The following FSTL4 variants were observed in gnomAD, a reference collection of about 807,000 sequenced individuals.
FSTL4 encodes follistatin like 4.
In FSTL4, 28 loss-of-function variants were observed where a neutral mutation model predicts 78.2. That is an observed-to-expected ratio of 0.36 (90% CI 0.27 to 0.49). The LOEUF is 0.49. Ranked by LOEUF, FSTL4 falls within the 20% of genes least tolerant of loss-of-function variation. FSTL4 has a pLI of 0.98. For missense variants in FSTL4, 922 were observed against 1,084.9 expected, an observed-to-expected ratio of 0.85 and a Z score of 2.11; for synonymous variants, 422 against 440.5, an observed-to-expected ratio of 0.96 and a Z score of 0.53.
intron 3 of FSTL4, among the ~76,000 whole-genome samples, chr5:133,431,032 T>C (rs1756925713): frequency 6.6e-6 from 1 of 152,154 alleles, no homozygotes; most frequent in Admixed American, 6.5e-5. Context: ...TACATGTTGA[T>C]AGGAAGAAAA....
chr5:133,250,367 A>G (rs1752183567), intron 6 of FSTL4, among the ~76,000 whole-genome samples: 2 of 152,212 alleles, frequency 1.3e-5, no homozygotes, highest in African/African-American at 4.8e-5. Context: ...TTTGGGGGAC[A>G]GTCAGCGGCC....
At chr5:133,432,195 T>C (rs1422966097) in intron 3 of FSTL4, among the ~76,000 whole-genome samples, 1 of 152,096 alleles carries the variant, frequency 6.6e-6, no homozygotes, top group Non-Finnish European at 1.5e-5. Context: ...CTCAGAGAGG[T>C]TGTGATTTGT....
At chr5:133,840,570 C>T in the FSTL4 span, among the ~76,000 whole-genome samples, 2 of 152,250 alleles carry the variant, frequency 1.3e-5, no homozygotes, top group African/African-American at 4.8e-5. Context: ...AGGCTGCCAG[C>T]TCCTGGGCCC....
the FSTL4 span, among the ~76,000 whole-genome samples, chr5:133,661,072 C>G: frequency 6.6e-6 from 1 of 152,170 alleles, no homozygotes; most frequent in African/African-American, 2.4e-5. Context: ...CTCATTGCAA[C>G]CTCTGCCTCC....
intron 4 of FSTL4, among the ~76,000 whole-genome samples, chr5:133,359,068 T>C (rs947974489): frequency 6.6e-6 from 1 of 152,242 alleles, no homozygotes; most frequent in Non-Finnish European, 1.5e-5. Context: ...TTGGCATTTC[T>C]TTTGCCATTG....
At chr5:133,566,852 C>T (rs1328845957) in intron 3 of FSTL4, among the ~76,000 whole-genome samples, 1 of 152,164 alleles carries the variant, frequency 6.6e-6, no homozygotes, top group South Asian at 2.1e-4. Context: ...GTGTTGTTCA[C>T]GTTGCTTTGC....
Position 133,330,030 on chromosome 5 carries a change from T to C in FSTL4, c.410-13378A>G, listed in dbSNP as rs544752294. Among the ~76,000 whole-genome samples the C allele has an allele frequency of 3.9e-5, 6 of 152,318 alleles. No homozygotes were observed. In the East Asian group the frequency reaches 1.2e-3, roughly 29 times the overall value. On this transcript the variant is annotated intron_variant, in intron 4 of 15. Transcript: ENST00000265342. ...TCACCATTTTGGAGAATCCCATCTC[T>C]AAAGCGACAACACTTGAATATTCAA... is the stretch of plus-strand genomic sequence containing the variant.
chr5:133,199,834 A>G lies in FSTL4; in HGVS notation c.1827-37T>C, dbSNP rs1291979017. 3 of 1,116,722 alleles carry G rather than the reference A, an allele frequency of 2.7e-6. No individual in the cohort carries two copies. In the African/African-American group the frequency reaches 4.7e-5, roughly 17 times the overall value. 69.2% of individuals were successfully genotyped at this position (1,116,722 alleles called of 1,614,324 possible). On this transcript the variant is annotated intron_variant, in intron 15 of 15. Coordinates refer to ENST00000265342, the MANE Select transcript of FSTL4 (RefSeq NM_015082.2). The surrounding 1 kb of genome is among the most constrained non-coding windows in gnomAD (Gnocchi z 4.4). ...AGAACTGAGGTCAGAAGTTGCCTCC[A>G]GGGGTGGGGAATCTGTCATTTGTCT...
At chr5:133,276,917 A>G (rs1054134273) in intron 6 of FSTL4, among the ~76,000 whole-genome samples, 1 of 152,192 alleles carries the variant, frequency 6.6e-6, no homozygotes, top group Admixed American at 6.5e-5. Flanking sequence ...AATCTCACAG[A>G]CATAGTTTGA....
At chr5:133,583,166 C>T (rs975092806) in intron 2 of FSTL4, 3 of 436,934 alleles carry the variant, frequency 6.9e-6, no homozygotes, top group African/African-American at 4.0e-5. Flanking sequence ...CAAACACCAG[C>T]ACATTCCCAC....
chr5:133,659,511 T>G, the FSTL4 span, among the ~76,000 whole-genome samples: 2 of 151,956 alleles, frequency 1.3e-5, no homozygotes, highest in Non-Finnish European at 2.9e-5. Flanking sequence ...TTTTTGTCTT[T>G]TAAATTCACT....
chr5:133,220,814 G>A lies in FSTL4; in HGVS notation c.1392C>T (p.Val464=), dbSNP rs1237587618. ...GGATCTCACAGTCCACAGGATGGAT[G>A]ACGATGATACCGTCGTCGGAGAAGA... ...FYVFSDDGII[V]IHPVDCEIQR... The change falls in exon 12 of 16, where the codon GTC becomes GTT. Residue 464 remains valine, a synonymous_variant. Coordinates refer to ENST00000265342, the MANE Select transcript of FSTL4 (RefSeq NM_015082.2). 6.2e-7 allele frequency: 1 copy of A among 1,613,532 alleles called. No individual in the cohort carries two copies. Among genetic ancestry groups the A allele is most frequent in the Non-Finnish European group, 8.5e-7 (1 of 1,179,410 alleles).
chr5:133,483,787 C>G lies in FSTL4; in HGVS notation c.161-82801G>C, dbSNP rs146905099. 1.3e-3 allele frequency among the ~76,000 whole-genome samples: 204 copies of G among 152,298 alleles called. 1 individual carries two copies. In the Middle Eastern group the frequency reaches 0.017, roughly 13 times the overall value. On this transcript the variant is annotated intron_variant, in intron 3 of 15. Transcript: ENST00000265342. ...GAACATGCTCAGCAGGAAATAAAAT[C>G]CTTTCCTGCTGCCAGTTCTGTTATA...
the FSTL4 span, among the ~76,000 whole-genome samples, chr5:133,746,359 CCTT>C: frequency 6.6e-6 from 1 of 152,156 alleles, no homozygotes; most frequent in African/African-American, 2.4e-5. Flanking sequence ...GTGGTCCTGT[CCTT>C]CTCTCAGATG....
intron 3 of FSTL4, among the ~76,000 whole-genome samples, chr5:133,506,584 G>A (rs755643276): frequency 5.9e-5 from 9 of 152,162 alleles, no homozygotes; most frequent in East Asian, 3.8e-4. Context: ...TCATATAACC[G>A]CTACACAGTC....
intron 3 of FSTL4, among the ~76,000 whole-genome samples, chr5:133,543,803 T>G (rs928555807): frequency 5.3e-5 from 8 of 152,144 alleles, no homozygotes; most frequent in Non-Finnish European, 1.5e-5. Context: ...AATTTAAAGC[T>G]AATATTTTGT....
chr5:133,521,839 TA>T lies in FSTL4; in HGVS notation c.160+45346del, dbSNP rs1255324166. The stretch of plus-strand genomic sequence containing the variant: ...TTTAATTTCTAAGTAAGAAAGCCGC[TA>T]GATGTTTTCACCACAAAGGGGCTTC... On this transcript the variant is annotated intron_variant, in intron 3 of 15. Transcript: ENST00000265342. 7.2e-5 allele frequency among the ~76,000 whole-genome samples: 11 copies of T among 152,316 alleles called. No individual in the cohort carries two copies. In the East Asian group the frequency reaches 2.1e-3, roughly 29 times the overall value.
At chr5:133,594,065 A>T (rs570703653) in intron 2 of FSTL4, among the ~76,000 whole-genome samples, 5 of 152,354 alleles carry the variant, frequency 3.3e-5, no homozygotes, top group Admixed American at 2.6e-4. Context: ...TGGCCAAGCC[A>T]GCCCAGGGCT....
chr5:133,392,620 G>A (rs1159941549), intron 4 of FSTL4, among the ~76,000 whole-genome samples: 2 of 152,192 alleles, frequency 1.3e-5, no homozygotes, highest in African/African-American at 4.8e-5. Flanking sequence ...TGCAGAAAAT[G>A]CTCTGCGGCC....
Sources: gnomAD v4.1 joint callset for allele counts (sites outside exome capture counted in the v4.1 genomes callset) on GRCh38, gnomAD v4.1.1 for gene constraint, Gnocchi (gnomAD v3.1) non-coding constraint, MANE v1.5 for transcripts, NCBI Gene and HGNC (gene_info 2026-07-23, HGNC 2026-07-21) for gene names.